RPS6KA6: variants seen among roughly 807,000 people sequenced by gnomAD.
RPS6KA6 encodes the protein ribosomal protein S6 kinase alpha-6.
A neutral mutation model predicts 65.4 loss-of-function variants in RPS6KA6; 27 were observed. The observed-to-expected ratio is 0.41, with a 90% CI of 0.30 to 0.57. The LOEUF is 0.57. RPS6KA6 is among the 20% of genes least tolerant of loss of function. RPS6KA6 has a pLI of 0.24. For synonymous variants in RPS6KA6, 190 were observed against 184.2 expected, an observed-to-expected ratio of 1.03 and a Z score of -0.26; for missense variants, 486 against 555.6, an observed-to-expected ratio of 0.87 and a Z score of 1.26.
At chrX:84,165,530 A>G (rs6622940) in intron 1 of RPS6KA6, among the ~76,000 whole-genome samples, 6,877 of 111,217 alleles carry the variant, frequency 0.062, 229 homozygotes, top group East Asian at 0.2. Flanking sequence ...TGAGTCACAA[A>G]ATTACACAGT....
Position 84,097,667 on chromosome X carries a change from A to G in RPS6KA6, c.1853+105T>C, listed in dbSNP as rs1199654775. On this transcript the variant is annotated intron_variant, in intron 19 of 21. Coordinates refer to ENST00000262752, the MANE Select transcript of RPS6KA6 (RefSeq NM_014496.5). ...TCAATATTAATATTTTGAAATGTAAATGTCATTTTCCTTAAAGTTATTTTA... is the reference window on the plus strand; with the variant it reads ...TCAATATTAATATTTTGAAATGTAAGTGTCATTTTCCTTAAAGTTATTTTA... 17 of 482,204 alleles carry G rather than the reference A, an allele frequency of 3.5e-5. 1 individual carries two copies. In the South Asian group the frequency reaches 4.2e-4, roughly 12 times the overall value. 39.7% of individuals were successfully genotyped at this position (482,204 alleles called of 1,213,427 possible).
At chrX:84,113,022 A>G (rs1453249995) in intron 12 of RPS6KA6, among the ~76,000 whole-genome samples, 6 of 111,725 alleles carry the variant, frequency 5.4e-5, no homozygotes, top group Non-Finnish European at 1.1e-4. Flanking sequence ...AAATATGATC[A>G]GTGATTACTA....
At chrX:84,176,220 T>G (rs1344206027) in intron 1 of RPS6KA6, among the ~76,000 whole-genome samples, 1 of 112,389 alleles carries the variant, frequency 8.9e-6, no homozygotes, top group African/African-American at 3.2e-5. Flanking sequence ...ATGACTTTAT[T>G]GGTTTTGAAT....
At chrX:84,149,616 AT>A in intron 3 of RPS6KA6, among the ~76,000 whole-genome samples, 1 of 111,602 alleles carries the variant, frequency 9.0e-6, no homozygotes, top group Non-Finnish European at 1.9e-5. Flanking sequence ...GAGCAGTAAT[AT>A]TTTGAGAAAT....
intron 3 of RPS6KA6, among the ~76,000 whole-genome samples, chrX:84,152,137 T>C (rs1243934386): frequency 9.0e-6 from 1 of 111,311 alleles, no homozygotes; most frequent in Non-Finnish European, 1.9e-5. Context: ...AGTATCCCAA[T>C]ATGGCATTTA....
chrX:84,115,781 G>C (rs747589323), intron 12 of RPS6KA6, among the ~76,000 whole-genome samples: 3 of 111,718 alleles, frequency 2.7e-5, no homozygotes, highest in Non-Finnish European at 5.7e-5. Context: ...CCATAAGAAA[G>C]AATAAAATCA....
At chrX:84,118,931 C>A (rs1426623557) in intron 9 of RPS6KA6, among the ~76,000 whole-genome samples, 2 of 111,908 alleles carry the variant, frequency 1.8e-5, no homozygotes, top group African/African-American at 6.5e-5. Flanking sequence ...TATAGCTTCA[C>A]TTCCTCCACC....
At chrX:84,155,897 CA>C (rs779501557) in intron 3 of RPS6KA6, among the ~76,000 whole-genome samples, 177 bp downstream of exon 3, 1 of 111,177 alleles carries the variant, frequency 9.0e-6, no homozygotes, top group African/African-American at 3.3e-5. Context: ...CAGAGAAGTA[CA>C]AAGAAATGGT....
rs1569235299 is a variant in RPS6KA6, at chrX:84,150,794, A to AATATATAGAGAGGATATATATAGGATAT, written c.259-2699_259-2672dup. Reference sequence around the variant, plus strand: ...AATATGAGACACGGACTATATAGAGAATATATAGAGAGGATATATATAGGA... The same window carrying AATATATAGAGAGGATATATATAGGATAT: ...AATATGAGACACGGACTATATAGAGAATATATAGAGAGGATATATATAGGATATATATATAGAGAGGATATATATAGGA... On this transcript the variant is annotated intron_variant, in intron 3 of 21. Coordinates refer to ENST00000262752, the MANE Select transcript of RPS6KA6 (RefSeq NM_014496.5). Among the ~76,000 whole-genome samples the AATATATAGAGAGGATATATATAGGATAT allele has an allele frequency of 1.7e-4, 16 of 92,047 alleles. 1 individual carries two copies. Among genetic ancestry groups the AATATATAGAGAGGATATATATAGGATAT allele is most frequent in the East Asian group, 3.6e-4 (1 of 2,762 alleles). The allele number at this position is 92,047 out of a possible 115,157, so 79.9% of individuals were successfully genotyped here. A position where few individuals can be genotyped will look rare whatever the true frequency, so the allele number is the denominator to read the frequency against.
chrX:84,180,781 G>C (rs758922093), intron 1 of RPS6KA6, among the ~76,000 whole-genome samples: 15 of 111,687 alleles, frequency 1.3e-4, no homozygotes, highest in African/African-American at 4.9e-4. Context: ...TGCTAACAAC[G>C]TATCTATATT....
intron 6 of RPS6KA6, among the ~76,000 whole-genome samples, chrX:84,136,553 T>C (rs2034994972): frequency 9.0e-6 from 1 of 111,541 alleles, no homozygotes; most frequent in Admixed American, 9.6e-5. Context: ...AAATAACTGT[T>C]GCCTATTCAA....
chrX:84,171,770 C>T (rs932237659), intron 1 of RPS6KA6, among the ~76,000 whole-genome samples: 8 of 111,101 alleles, frequency 7.2e-5, no homozygotes, highest in East Asian at 2.8e-4. Context: ...CCTATCAACT[C>T]GCCATCTAGG....
chrX:84,095,942 G>A (rs986928064), intron 20 of RPS6KA6, among the ~76,000 whole-genome samples: 1 of 111,516 alleles, frequency 9.0e-6, no homozygotes, highest in African/African-American at 3.3e-5. Context: ...TTACATTTTT[G>A]GTTTTGGTTA....
rs1156258214 is a variant in RPS6KA6 at position 84,063,156 on chromosome X, T to C, written c.*1121A>G. The C allele has an allele frequency of 9.0e-6, 1 of 111,573 alleles. No individual in the cohort carries two copies. The highest frequency in any genetic ancestry group is 3.2e-5 in the African/African-American group (1 of 30,831). The allele number at this position is 111,573 out of a possible 1,213,427, so 9.2% of individuals were successfully genotyped here. A position where few individuals can be genotyped will look rare whatever the true frequency, so the allele number is the denominator to read the frequency against. ...AATTTTTTGTAGACCATTAATATTATTCATATTTAAAATGTTAGTTTATCT... is the reference window on the plus strand; with the variant it reads ...AATTTTTTGTAGACCATTAATATTACTCATATTTAAAATGTTAGTTTATCT... On this transcript the variant is annotated 3_prime_UTR_variant, in exon 22 of 22. Coordinates refer to ENST00000262752, the MANE Select transcript of RPS6KA6 (RefSeq NM_014496.5).
At chrX:84,081,897 C>T (rs966316291) in intron 20 of RPS6KA6, among the ~76,000 whole-genome samples, 1 of 111,545 alleles carries the variant, frequency 9.0e-6, no homozygotes, top group African/African-American at 3.3e-5. Flanking sequence ...ATTCAACACC[C>T]GTTCATGCTA....
chrX:84,184,189 A>G (rs1385733121), intron 1 of RPS6KA6, among the ~76,000 whole-genome samples: 5 of 112,489 alleles, frequency 4.4e-5, no homozygotes, highest in Non-Finnish European at 9.4e-5. Flanking sequence ...ACAAACATTC[A>G]CAGTGAGAGC....
intron 20 of RPS6KA6, among the ~76,000 whole-genome samples, chrX:84,078,010 A>T (rs926693731): frequency 8.9e-5 from 10 of 112,475 alleles, no homozygotes; most frequent in African/African-American, 2.9e-4. Flanking sequence ...GATATACGAA[A>T]GAAAAAGAAT....
At chrX:84,101,684 A>G (rs2034262253) in intron 18 of RPS6KA6, among the ~76,000 whole-genome samples, 1 of 110,808 alleles carries the variant, frequency 9.0e-6, no homozygotes, top group Admixed American at 9.7e-5. Context: ...TGGGTCTTGA[A>G]TAAGTCATTG....
intron 3 of RPS6KA6, among the ~76,000 whole-genome samples, chrX:84,149,944 C>G (rs866635807): frequency 2.7e-5 from 3 of 112,236 alleles, no homozygotes; most frequent in South Asian, 3.7e-4. Context: ...GCTGTTTCTT[C>G]TACAATTAAA....
Sources: allele counts gnomAD v4.1 joint callset (sites outside exome capture counted in the v4.1 genomes callset), GRCh38; gene constraint gnomAD v4.1.1; transcripts MANE v1.5; gene names NCBI Gene and HGNC (gene_info 2026-07-23, HGNC 2026-07-21).